DAPK1: variants seen among roughly 807,000 people sequenced by gnomAD.
The protein encoded by DAPK1 is death associated protein kinase 1.
DAPK1 carries 56 observed loss-of-function variants against 144.9 expected under a neutral mutation model. The ratio of observed to expected loss-of-function variants is 0.39; its 90% CI spans 0.31 to 0.48. The LOEUF (loss-of-function observed/expected upper bound fraction) is 0.48, where lower values mean the gene tolerates loss of function less well. Ranked by LOEUF, DAPK1 falls within the 20% of genes least tolerant of loss-of-function variation. The pLI, the probability that DAPK1 is intolerant of heterozygous loss-of-function variation, is 0.95. For missense variants in DAPK1, 1,454 were observed against 1,875.4 expected, an observed-to-expected ratio of 0.78 and a Z score of 4.15; for synonymous variants, 690 against 749.0, an observed-to-expected ratio of 0.92 and a Z score of 1.29.
At chr9:87,559,440 A>G (rs758048957) in intron 2 of DAPK1, among the ~76,000 whole-genome samples, 5 of 152,016 alleles carry the variant, frequency 3.3e-5, no homozygotes, top group Non-Finnish European at 5.9e-5. Flanking sequence ...GCCACATGTG[A>G]CTGTTGAGCA....
At chr9:87,684,521 C>T (rs989430360) in intron 20 of DAPK1, among the ~76,000 whole-genome samples, 1 of 152,196 alleles carries the variant, frequency 6.6e-6, no homozygotes, top group Non-Finnish European at 1.5e-5. Flanking sequence ...CGCTGGAGGC[C>T]AAGGCTGAGC....
chr9:87,640,598 T>C (rs1255345785), intron 8 of DAPK1, 148 bp downstream of exon 8: 2 of 1,052,382 alleles, frequency 1.9e-6, no homozygotes, highest in South Asian at 1.6e-5. Flanking sequence ...CTTCAGAAAA[T>C]GCAAGCAGGG....
rs575344967 is a variant in DAPK1 at position 87,707,530 on chromosome 9, T to C, written c.*166T>C. 1.7e-5 allele frequency: 10 copies of C among 600,164 alleles called. No homozygotes were observed. The East Asian group carries it at 2.5e-4, about 15-fold the overall frequency. 37.2% of individuals were successfully genotyped at this position (600,164 alleles called of 1,614,324 possible). ...ACCTGTTTCTCTGCCGCTACCTCCC[T>C]CCCCGTCTCATTCCGTTGTCTGTGG... On this transcript the variant is annotated 3_prime_UTR_variant, in exon 26 of 26. Transcript: ENST00000408954. This position sits in a 1 kb window ranked among gnomAD's most constrained non-coding sequence, Gnocchi z 4.0.
intron 24 of DAPK1, among the ~76,000 whole-genome samples, chr9:87,700,756 C>T (rs1825431061): frequency 6.6e-6 from 1 of 152,140 alleles, no homozygotes; most frequent in African/African-American, 2.4e-5. Flanking sequence ...CCACCTCAGC[C>T]TCCCAAAGTG....
intron 2 of DAPK1, among the ~76,000 whole-genome samples, chr9:87,542,419 T>C (rs889654163): frequency 6.6e-6 from 1 of 152,186 alleles, no homozygotes; most frequent in Non-Finnish European, 1.5e-5. Context: ...AATAAAGTCA[T>C]GCTGTGAGCC....
At chr9:87,607,260 A>C (rs1828764769) in intron 3 of DAPK1, among the ~76,000 whole-genome samples, 1 of 152,180 alleles carries the variant, frequency 6.6e-6, no homozygotes, top group South Asian at 2.1e-4. Flanking sequence ...TGGGATCAAA[A>C]TCCAGGGCAA....
At position 87,608,578 on chromosome 9, in the gene DAPK1, G is replaced by A. The variant is rs1011695311; in HGVS notation, c.284+3403G>A. Among the ~76,000 whole-genome samples, 17 of 152,314 alleles carry A rather than the reference G, an allele frequency of 1.1e-4. No homozygotes were observed. The East Asian group carries it at 2.5e-3, about 22-fold the overall frequency. On this transcript the variant is annotated intron_variant, in intron 3 of 25. Transcript: ENST00000408954. Reference sequence around the variant, plus strand: ...AGCTGTCTTCTAAAGTGAGCATACCGTTTTACAGTCCCTGCAGCAATGGAT... The same window carrying A: ...AGCTGTCTTCTAAAGTGAGCATACCATTTTACAGTCCCTGCAGCAATGGAT...
chr9:87,639,915 A>T, intron 7 of DAPK1, 100 bp downstream of exon 7: 1 of 1,231,874 alleles, frequency 8.1e-7, no homozygotes, highest in African/African-American at 1.5e-5. Context: ...CAGCTTATGC[A>T]TGCTTTTGAT....
intron 2 of DAPK1, among the ~76,000 whole-genome samples, chr9:87,543,638 G>A (rs1826132755): frequency 6.6e-6 from 1 of 152,118 alleles, no homozygotes; most frequent in South Asian, 2.1e-4. Context: ...TGGCAGTACA[G>A]TTTGTGAGCT....
At chr9:87,630,821 A>G (rs1157189058) in intron 3 of DAPK1, among the ~76,000 whole-genome samples, 1 of 152,184 alleles carries the variant, frequency 6.6e-6, no homozygotes, top group African/African-American at 2.4e-5. Context: ...TTCAGGATGA[A>G]CAGAGTCTTG....
intron 25 of DAPK1, among the ~76,000 whole-genome samples, chr9:87,704,441 G>GAAC (rs1825563198): frequency 1.3e-5 from 2 of 152,174 alleles, no homozygotes. Flanking sequence ...TAGGCAGCAG[G>GAAC]AACTACATTG....
intron 20 of DAPK1, among the ~76,000 whole-genome samples, chr9:87,683,084 TA>T (rs1384870083): frequency 9.1e-6 from 1 of 109,450 alleles, no homozygotes; most frequent in Non-Finnish European, 2.0e-5. Context: ...TTATTTTATT[TA>T]TTTTTTTTTT....
In DAPK1 at chr9:87,686,422, A is replaced by G. The variant is rs568974931; in HGVS notation, c.2225-129A>G. ...TGCACGTGTGAGGGCAGACACACTCAGCCTGAAGCCAGAGTTGGGGTGGGG... is the reference window on the plus strand; with the variant it reads ...TGCACGTGTGAGGGCAGACACACTCGGCCTGAAGCCAGAGTTGGGGTGGGG... On this transcript the variant is annotated intron_variant, in intron 20 of 25. Transcript: ENST00000408954. The surrounding 1 kb of genome is among the most constrained non-coding windows in gnomAD (Gnocchi z 4.2). The G allele has an allele frequency of 3.8e-5, 24 of 631,274 alleles. No individual in the cohort carries two copies. Among genetic ancestry groups the G allele is most frequent in the Non-Finnish European group, 6.3e-5 (22 of 348,340 alleles). 39.1% of individuals were successfully genotyped at this position (631,274 alleles called of 1,614,324 possible).
intron 2 of DAPK1, among the ~76,000 whole-genome samples, chr9:87,514,073 T>A (rs953006470): frequency 9.9e-5 from 15 of 152,032 alleles, no homozygotes; most frequent in African/African-American, 3.6e-4. Context: ...GGGCGCAAAA[T>A]TCCCCCACCC....
rs762849745 is a variant in DAPK1 at position 87,662,570 on chromosome 9, T to TTTTTGTTG, written c.1923+4447_1923+4448insGTTGTTTT. Among the ~76,000 whole-genome samples the TTTTTGTTG allele has an allele frequency of 6.0e-4, 82 of 135,834 alleles. No individual in the cohort carries two copies. In the East Asian group the frequency reaches 0.017, roughly 28 times the overall value. The allele number at this position is 135,834 out of a possible 152,430, so 89.1% of individuals were successfully genotyped here. ...TTAAATATATTCCTAGTTTTTTTTT[T>TTTTTGTTG]TTTTTTTTTTTTTTTGGTAGCTATT... is the stretch of plus-strand genomic sequence containing the variant. On this transcript the variant is annotated intron_variant, in intron 18 of 25. Coordinates refer to ENST00000408954, the MANE Select transcript of DAPK1 (RefSeq NM_004938.4).
intron 2 of DAPK1, among the ~76,000 whole-genome samples, chr9:87,593,937 C>T (rs959275591): frequency 1.3e-5 from 2 of 152,200 alleles, no homozygotes; most frequent in African/African-American, 2.4e-5. Context: ...ACCAGAACCA[C>T]TCGAGAGCCA....
intron 2 of DAPK1, among the ~76,000 whole-genome samples, chr9:87,530,659 A>G (rs1168351205): frequency 1.3e-5 from 2 of 152,182 alleles, no homozygotes; most frequent in Non-Finnish European, 2.9e-5. Flanking sequence ...GAGACATGCT[A>G]TTTAATTTTT....
chr9:87,611,675 G>A (rs117463308), intron 3 of DAPK1, among the ~76,000 whole-genome samples: 1,813 of 152,128 alleles, frequency 0.012, 28 homozygotes, highest in Middle Eastern at 0.058. Flanking sequence ...GGCTGGTCTC[G>A]ACCTCCTGGG....
intron 19 of DAPK1, among the ~76,000 whole-genome samples, chr9:87,679,849 C>T (rs1252302476): frequency 2.6e-5 from 4 of 152,122 alleles, no homozygotes; most frequent in African/African-American, 7.2e-5. Context: ...CGTTGGAGTG[C>T]CCCTTCTCTC....
Sources: gnomAD v4.1 joint callset for allele counts (sites outside exome capture counted in the v4.1 genomes callset) on GRCh38, gnomAD v4.1.1 for gene constraint, Gnocchi (gnomAD v3.1) non-coding constraint, MANE v1.5 for transcripts, NCBI Gene and HGNC (gene_info 2026-07-23, HGNC 2026-07-21) for gene names.